FILIP1: variants seen among roughly 807,000 people sequenced by gnomAD.
The protein encoded by FILIP1 is filamin-A-interacting protein 1.
A neutral mutation model predicts 102.1 loss-of-function variants in FILIP1; 61 were observed. The ratio of observed to expected loss-of-function variants is 0.60; its 90% CI spans 0.49 to 0.74. The LOEUF is 0.74. Among genes scored for constraint, FILIP1 ranks in the 30% least tolerant of loss-of-function variants. The probability of loss-of-function intolerance (pLI) is 0.00; values close to 1 mark genes in which losing one functional copy is unlikely to be tolerated. For missense variants in FILIP1, 1,314 were observed against 1,441.2 expected (o/e 0.91, Z 1.43); for synonymous variants, 491 against 526.9 (o/e 0.93, Z 0.93).
chr6:75,345,090 C>T (rs1028210086), intron 4 of FILIP1, among the ~76,000 whole-genome samples: 4 of 152,078 alleles, frequency 2.6e-5, no homozygotes, highest in African/African-American at 7.2e-5. Flanking sequence ...TAGGACTTTT[C>T]TAAAATAAGA....
intron 3 of FILIP1, among the ~76,000 whole-genome samples, chr6:75,358,065 A>C (rs540886829): frequency 6.6e-6 from 1 of 152,240 alleles, no homozygotes; most frequent in South Asian, 2.1e-4. Context: ...TGAGATAATC[A>C]TAACACCAAA....
chr6:75,410,009 A>G (rs1291149421), intron 2 of FILIP1, among the ~76,000 whole-genome samples: 5 of 152,214 alleles, frequency 3.3e-5, no homozygotes, highest in Admixed American at 6.5e-5. Flanking sequence ...AATAACTCCA[A>G]TCTTTCCACT....
chr6:75,386,545 G>C (rs1215778837), intron 2 of FILIP1, among the ~76,000 whole-genome samples: 1 of 152,124 alleles, frequency 6.6e-6, no homozygotes, highest in Non-Finnish European at 1.5e-5. Flanking sequence ...AGTCTTAGTA[G>C]CTGTTTTGGA....
intron 1 of FILIP1, among the ~76,000 whole-genome samples, chr6:75,437,924 A>G (rs924129940): frequency 2.0e-5 from 3 of 152,260 alleles, no homozygotes; most frequent in Non-Finnish European, 2.9e-5. Context: ...GGAGTACGTT[A>G]TAAGATTTCA....
intron 6 of FILIP1, among the ~76,000 whole-genome samples, chr6:75,296,262 C>A (rs1772664961): frequency 6.6e-6 from 1 of 151,502 alleles, no homozygotes; most frequent in African/African-American, 2.4e-5. Flanking sequence ...AATGAGAAAC[C>A]AGACTATTTC....
chr6:75,323,439 T>C (rs962483453), intron 4 of FILIP1, among the ~76,000 whole-genome samples: 18 of 152,190 alleles, frequency 1.2e-4, no homozygotes, highest in African/African-American at 4.3e-4. Context: ...GGAGAAAGAT[T>C]GTAAACAAAT....
At chr6:75,404,233 G>GT (rs1296516317) in intron 2 of FILIP1, among the ~76,000 whole-genome samples, 4 of 152,006 alleles carry the variant, frequency 2.6e-5, no homozygotes, top group Non-Finnish European at 5.9e-5. Flanking sequence ...TAGCAAGATT[G>GT]TCCCCAAAAA....
At chr6:75,394,437 C>A (rs1045361840) in intron 2 of FILIP1, among the ~76,000 whole-genome samples, 1 of 151,910 alleles carries the variant, frequency 6.6e-6, no homozygotes, top group African/African-American at 2.4e-5. Context: ...TGATGTCTGA[C>A]TAATAATAGT....
intron 1 of FILIP1, among the ~76,000 whole-genome samples, chr6:75,447,493 A>T (rs1224958930): frequency 1.3e-5 from 2 of 152,140 alleles, no homozygotes; most frequent in African/African-American, 2.4e-5. Flanking sequence ...AGAAGAGGAG[A>T]ACAATGCTCT....
intron 1 of FILIP1, among the ~76,000 whole-genome samples, chr6:75,447,356 G>T (rs1016243009): frequency 6.6e-6 from 1 of 152,040 alleles, no homozygotes; most frequent in East Asian, 1.9e-4. Flanking sequence ...CAATGAAATC[G>T]CTAGTTTACC....
chr6:75,378,542 T>A (rs1173911808), intron 2 of FILIP1, among the ~76,000 whole-genome samples: 4 of 152,188 alleles, frequency 2.6e-5, no homozygotes, highest in African/African-American at 9.6e-5. Flanking sequence ...GCATCCCGAA[T>A]CTCTCAGCCT....
intron 2 of FILIP1, among the ~76,000 whole-genome samples, chr6:75,387,949 T>G (rs944157423): frequency 1.3e-5 from 2 of 152,186 alleles, no homozygotes; most frequent in Admixed American, 1.3e-4. Context: ...AGTCATGAAG[T>G]CTTTGCCCAT....
At chr6:75,391,374 A>G (rs1180046587) in intron 2 of FILIP1, among the ~76,000 whole-genome samples, 1 of 152,166 alleles carries the variant, frequency 6.6e-6, no homozygotes, top group East Asian at 1.9e-4. Context: ...TGTTAATTCT[A>G]TCAAGAAATC....
intron 2 of FILIP1, among the ~76,000 whole-genome samples, chr6:75,375,448 GA>G (rs1438802945): frequency 6.6e-6 from 1 of 152,030 alleles, no homozygotes. Context: ...GCTGGAGAAG[GA>G]AAAAAGGGCA....
intron 1 of FILIP1, chr6:75,473,962 C>T (rs1481000244): frequency 1.3e-5 from 2 of 152,148 alleles, no homozygotes; most frequent in East Asian, 3.8e-4. Flanking sequence ...GAATATCTTA[C>T]TAAATTTTGA....
At chr6:75,393,359 C>T (rs1342079022) in intron 2 of FILIP1, among the ~76,000 whole-genome samples, 7 of 151,738 alleles carry the variant, frequency 4.6e-5, no homozygotes, top group African/African-American at 9.7e-5. Context: ...GAAAAAATAT[C>T]CAAAAGAAAA....
downstream of FILIP1, among the ~76,000 whole-genome samples, chr6:75,306,379 G>T (rs1425435969): frequency 6.6e-6 from 1 of 152,208 alleles, no homozygotes; most frequent in Non-Finnish European, 1.5e-5. Flanking sequence ...GCAGCAGCAA[G>T]CGGCAATAAG....
At chr6:75,478,398 T>C (rs1779550449) in intron 1 of FILIP1, among the ~76,000 whole-genome samples, 1 of 152,180 alleles carries the variant, frequency 6.6e-6, no homozygotes. Context: ...TGAGAATTAT[T>C]TACCACCTTC....
chr6:75,369,875 G>C (rs529080487), intron 2 of FILIP1, among the ~76,000 whole-genome samples: 1 of 152,346 alleles, frequency 6.6e-6, no homozygotes, highest in South Asian at 2.1e-4. Flanking sequence ...CAGACTCTTA[G>C]ACGATGTAAC....
Sources: allele counts gnomAD v4.1 joint callset (sites outside exome capture counted in the v4.1 genomes callset), GRCh38; gene constraint gnomAD v4.1.1; transcripts MANE v1.5; gene names NCBI Gene and HGNC (gene_info 2026-07-23, HGNC 2026-07-21).